Variants in CATSPERB observed in about 807,000 individuals in gnomAD.
CATSPERB encodes catsper channel auxiliary subunit beta.
A neutral mutation model predicts 128.3 loss-of-function variants in CATSPERB; 93 were observed. The observed-to-expected ratio is 0.72, with a 90% CI of 0.61 to 0.86. CATSPERB has a LOEUF of 0.86. Ranked by LOEUF, CATSPERB falls within the 40% of genes least tolerant of loss-of-function variation. The probability of loss-of-function intolerance (pLI) is 0.00; values close to 1 mark genes in which losing one functional copy is unlikely to be tolerated. For synonymous variants in CATSPERB, 381 were observed against 448.8 expected (o/e 0.85, Z 1.91); for missense variants, 1,153 against 1,329.5 (o/e 0.87, Z 2.06).
intron 17 of CATSPERB, among the ~76,000 whole-genome samples, chr14:91,631,261 T>C (rs910419601): frequency 6.6e-6 from 1 of 152,248 alleles, no homozygotes; most frequent in Non-Finnish European, 1.5e-5. Context: ...CACTCAAATA[T>C]TCATTGAATG....
At chr14:91,617,408 G>A (rs1056741227) in intron 20 of CATSPERB, among the ~76,000 whole-genome samples, 189 bp downstream of exon 20, 1 of 152,000 alleles carries the variant, frequency 6.6e-6, no homozygotes, top group Non-Finnish European at 1.5e-5. Flanking sequence ...TATTATGTAG[G>A]ACATAGATCT....
Position 91,608,201 on chromosome 14 carries a change from T to A in CATSPERB, c.2709+93A>T, listed in dbSNP as rs1743159. ...AATCACGATAATAACAGCTTCACCT[T>A]CTCATTTAACACTTATAGCTATATA... On this transcript the variant is annotated intron_variant, in intron 22 of 26. Transcript: ENST00000256343. 0.7 allele frequency: 518,968 copies of A among 741,606 alleles called. 184,051 individuals are homozygous for A. The highest frequency in any genetic ancestry group is 0.79 in the Admixed American group (32,600 of 41,104). The allele number at this position is 741,606 out of a possible 1,614,324, so 45.9% of individuals were successfully genotyped here. A position where few individuals can be genotyped will look rare whatever the true frequency, so the allele number is the denominator to read the frequency against.
intron 10 of CATSPERB, among the ~76,000 whole-genome samples, chr14:91,688,913 C>T (rs1004170653): frequency 6.6e-6 from 1 of 152,136 alleles, no homozygotes; most frequent in Non-Finnish European, 1.5e-5. Context: ...CCTTATCCAC[C>T]AGCGACTCTA....
chr14:91,664,326 T>G (rs1479347501), intron 14 of CATSPERB, among the ~76,000 whole-genome samples: 1 of 130,630 alleles, frequency 7.7e-6, no homozygotes, highest in Non-Finnish European at 1.5e-5. Flanking sequence ...AGTGCAGTGG[T>G]GCAATCTCGG....
At chr14:91,582,604 T>C (rs546389697) in intron 26 of CATSPERB, among the ~76,000 whole-genome samples, 54 of 152,270 alleles carry the variant, frequency 3.5e-4, no homozygotes, top group African/African-American at 1.3e-3. Flanking sequence ...CCCTTCCTAA[T>C]TGGTTTTCTA....
intron 10 of CATSPERB, among the ~76,000 whole-genome samples, chr14:91,690,042 G>C (rs1225933138): frequency 1.3e-5 from 2 of 151,940 alleles, no homozygotes; most frequent in Non-Finnish European, 2.9e-5. Context: ...ACCCAGATTG[G>C]AGTGCAGTGG....
chr14:91,603,232 T>C, intron 22 of CATSPERB: 1 of 902,678 alleles, frequency 1.1e-6, no homozygotes, highest in Non-Finnish European at 1.9e-6. Flanking sequence ...ATTCTTTTCA[T>C]TGTTTCTCTC....
At chr14:91,714,763 T>A (rs987987413) in intron 5 of CATSPERB, among the ~76,000 whole-genome samples, 2 of 152,066 alleles carry the variant, frequency 1.3e-5, no homozygotes, top group African/African-American at 4.8e-5. Flanking sequence ...TTTCGCCACG[T>A]TGGCCAGGCT....
chr14:91,637,852 C>T (rs1397163), intron 16 of CATSPERB, among the ~76,000 whole-genome samples: 36,197 of 151,828 alleles, frequency 0.24, 4,502 homozygotes, highest in South Asian at 0.38. Flanking sequence ...AAACTTTCTA[C>T]AAATTGTGAA....
At chr14:91,719,808 C>G (rs1210202358) in intron 4 of CATSPERB, among the ~76,000 whole-genome samples, 1 of 152,080 alleles carries the variant, frequency 6.6e-6, no homozygotes. Flanking sequence ...CATGACATGT[C>G]AGAGACAGAG....
At chr14:91,655,476 T>G (rs1894771124) in intron 15 of CATSPERB, among the ~76,000 whole-genome samples, 1 of 152,132 alleles carries the variant, frequency 6.6e-6, no homozygotes, top group Non-Finnish European at 1.5e-5. Flanking sequence ...TCAGATAAAT[T>G]TAGCAAAGAG....
intron 6 of CATSPERB, among the ~76,000 whole-genome samples, chr14:91,706,756 T>A (rs1510221): frequency 0.98 from 149,571 of 152,262 alleles, 73,514 homozygotes; most frequent in Middle Eastern, 1. Context: ...GTGAATGATA[T>A]CATCCTCTAC....
intron 15 of CATSPERB, among the ~76,000 whole-genome samples, chr14:91,658,485 A>C (rs1894822955): frequency 6.6e-6 from 1 of 151,722 alleles, no homozygotes; most frequent in African/African-American, 2.4e-5. Context: ...TTGACAGCAC[A>C]ACAGAGTGAC....
intron 22 of CATSPERB, among the ~76,000 whole-genome samples, chr14:91,595,774 G>C (rs2139763772): frequency 6.6e-6 from 1 of 152,220 alleles, no homozygotes; most frequent in Admixed American, 6.5e-5. Context: ...GTGTCCTATT[G>C]CAAAAGAAAA....
At chr14:91,706,795 T>C (rs1333621744) in intron 6 of CATSPERB, among the ~76,000 whole-genome samples, 1 of 152,146 alleles carries the variant, frequency 6.6e-6, no homozygotes, top group African/African-American at 2.4e-5. Flanking sequence ...AATCCAGGCA[T>C]CATCCTTGTT....
intron 17 of CATSPERB, among the ~76,000 whole-genome samples, chr14:91,626,985 CAAAT>C (rs1393337278): frequency 6.6e-6 from 1 of 152,136 alleles, no homozygotes; most frequent in African/African-American, 2.4e-5. Context: ...AATTTATGAA[CAAAT>C]AGTTTATAAA....
intron 21 of CATSPERB, among the ~76,000 whole-genome samples, chr14:91,610,147 A>G (rs1893797842): frequency 2.0e-5 from 3 of 152,352 alleles, no homozygotes. Context: ...TGCAGTTCAA[A>G]CCTATTGTTC....
chr14:91,587,230 G>A lies in CATSPERB; in HGVS notation c.3104C>T (p.Thr1035Ile), dbSNP rs1485041817. ...AAATTCTTCAATTAAGTTACAAAAA[G>A]TTACTCCTGAAATGACGGTCACTCT... ...HFRVTVISGV[T>I]FCNLIEEFQI... is the part of the protein sequence containing the mutation. The change falls in exon 26 of 27, where the codon ACT (threonine) becomes ATT (isoleucine). Residue 1035 changes from threonine to isoleucine, a missense_variant. Coordinates refer to ENST00000256343, the MANE Select transcript of CATSPERB (RefSeq NM_024764.4). 6.2e-7 allele frequency: 1 copy of A among 1,605,586 alleles called. No homozygotes were observed. The highest frequency in any genetic ancestry group is 8.5e-7 in the Non-Finnish European group (1 of 1,176,734).
At chr14:91,685,393 T>C (rs1235193601) in intron 10 of CATSPERB, among the ~76,000 whole-genome samples, 3 of 152,200 alleles carry the variant, frequency 2.0e-5, no homozygotes, top group African/African-American at 7.2e-5. Context: ...CAAAATTTTA[T>C]GTTACATGGC....
Sources: allele counts gnomAD v4.1 joint callset (sites outside exome capture counted in the v4.1 genomes callset), GRCh38; gene constraint gnomAD v4.1.1; transcripts MANE v1.5; gene names NCBI Gene and HGNC (gene_info 2026-07-23, HGNC 2026-07-21).